The following CTNND2 variants were observed in gnomAD, a reference collection of about 807,000 sequenced individuals.
The protein encoded by CTNND2 is catenin delta 2, also known as catenin delta-2.
A neutral mutation model predicts 144.4 loss-of-function variants in CTNND2; 22 were observed. That is an observed-to-expected ratio of 0.15 (90% CI 0.11 to 0.22). The LOEUF is 0.22. CTNND2 is among the 10% of genes least tolerant of loss of function. CTNND2 has a pLI of 1.00. For missense variants in CTNND2, 1,353 were observed against 1,618.8 expected (o/e 0.84, Z 2.82); for synonymous variants, 751 against 695.6 (o/e 1.08, Z -1.25).
intron 15 of CTNND2, among the ~76,000 whole-genome samples, chr5:11,096,008 T>C (rs1751313012): frequency 6.6e-6 from 1 of 152,128 alleles, no homozygotes; most frequent in Admixed American, 6.5e-5. Context: ...ATGAGGTCAC[T>C]TGAAGCTCAC....
intron 3 of CTNND2, among the ~76,000 whole-genome samples, chr5:11,416,884 C>G (rs751089391): frequency 1.6e-4 from 24 of 152,150 alleles, no homozygotes; most frequent in Non-Finnish European, 2.9e-4. Context: ...TAATTTTGAT[C>G]AGTCCATATG....
At chr5:11,682,548 C>T (rs1231624068) in intron 2 of CTNND2, among the ~76,000 whole-genome samples, 2 of 152,170 alleles carry the variant, frequency 1.3e-5, no homozygotes. Flanking sequence ...AAAAAAGGTT[C>T]CTCCTTTAAT....
intron 21 of CTNND2, among the ~76,000 whole-genome samples, chr5:10,979,605 G>A (rs1736960456): frequency 6.6e-6 from 1 of 152,198 alleles, no homozygotes; most frequent in South Asian, 2.1e-4. Context: ...TTCCTGCAGA[G>A]CCAGAGAAAA....
At chr5:11,226,931 A>G (rs1391667609) in intron 10 of CTNND2, among the ~76,000 whole-genome samples, 2 of 152,210 alleles carry the variant, frequency 1.3e-5, no homozygotes, top group African/African-American at 4.8e-5. Context: ...TCACATATCA[A>G]TATATCAAGT....
intron 11 of CTNND2, among the ~76,000 whole-genome samples, chr5:11,191,661 G>C (rs772743207): frequency 3.4e-4 from 51 of 152,158 alleles, no homozygotes; most frequent in Non-Finnish European, 6.8e-4. Context: ...GTGTGTGCAC[G>C]TACCCCCTGC....
At chr5:11,181,074 T>C (rs1202998343) in intron 11 of CTNND2, among the ~76,000 whole-genome samples, 2 of 152,050 alleles carry the variant, frequency 1.3e-5, no homozygotes, top group Non-Finnish European at 2.9e-5. Context: ...GAAAAGCTCC[T>C]AGGAGGGAAC....
chr5:11,019,732 T>C (rs1003185038), intron 17 of CTNND2, among the ~76,000 whole-genome samples: 3 of 152,228 alleles, frequency 2.0e-5, no homozygotes, highest in Non-Finnish European at 2.9e-5. Context: ...ATGTGACAAG[T>C]GATTATAACC....
chr5:11,490,404 G>A (rs1769277041), intron 3 of CTNND2, among the ~76,000 whole-genome samples: 1 of 152,010 alleles, frequency 6.6e-6, no homozygotes, highest in Non-Finnish European at 1.5e-5. Flanking sequence ...TTATTTCATA[G>A]CTTTTGAATG....
At chr5:11,355,046 A>G (rs1183067137) in intron 8 of CTNND2, among the ~76,000 whole-genome samples, 1 of 152,180 alleles carries the variant, frequency 6.6e-6, no homozygotes, top group Non-Finnish European at 1.5e-5. Context: ...CTTGTGACAA[A>G]TGAGGATGGA....
chr5:11,232,370 G>A (rs1171881228), intron 10 of CTNND2, among the ~76,000 whole-genome samples: 1 of 152,246 alleles, frequency 6.6e-6, no homozygotes, highest in Non-Finnish European at 1.5e-5. Flanking sequence ...GCTGGGAGTG[G>A]GGCTGTACCC....
intron 12 of CTNND2, among the ~76,000 whole-genome samples, chr5:11,143,201 G>A (rs1041267359): frequency 5.9e-5 from 9 of 152,166 alleles, no homozygotes; most frequent in Non-Finnish European, 1.2e-4. Context: ...TGGGAAAGGT[G>A]AACCTCTTTT....
intron 2 of CTNND2, among the ~76,000 whole-genome samples, chr5:11,621,613 G>A (rs1230840638): frequency 1.3e-5 from 2 of 151,990 alleles, no homozygotes; most frequent in African/African-American, 4.8e-5. Context: ...AATACAATAT[G>A]GTACAGTTTA....
At chr5:11,688,424 G>A (rs1784754463) in intron 2 of CTNND2, among the ~76,000 whole-genome samples, 1 of 152,130 alleles carries the variant, frequency 6.6e-6, no homozygotes, top group African/African-American at 2.4e-5. Context: ...AATATACTCT[G>A]TATGATCCTA....
chr5:11,098,518 T>C, intron 15 of CTNND2, 57 bp downstream of exon 15: 1 of 1,466,108 alleles, frequency 6.8e-7, no homozygotes, highest in Non-Finnish European at 9.3e-7. Flanking sequence ...TTATATTGTT[T>C]TCTGAGGAGT....
intron 20 of CTNND2, chr5:10,986,715 G>A (rs1738006730): frequency 2.2e-6 from 1 of 455,786 alleles, no homozygotes. Flanking sequence ...CCCTTGTAGG[G>A]TCTGCACATG....
intron 2 of CTNND2, among the ~76,000 whole-genome samples, chr5:11,609,388 T>C (rs1314514749): frequency 1.3e-5 from 2 of 152,194 alleles, no homozygotes. Flanking sequence ...TTTTGGTTTC[T>C]AGTGAACACA....
intron 9 of CTNND2, among the ~76,000 whole-genome samples, chr5:11,333,544 GA>G (rs1296813847): frequency 6.6e-6 from 1 of 152,136 alleles, no homozygotes; most frequent in Non-Finnish European, 1.5e-5. Context: ...GGGAAAGATG[GA>G]TAGTTTTGTG....
At chr5:11,443,741 A>G (rs1390254763) in intron 3 of CTNND2, among the ~76,000 whole-genome samples, 3 of 152,132 alleles carry the variant, frequency 2.0e-5, no homozygotes, top group African/African-American at 4.8e-5. Context: ...TGGAAATCAC[A>G]TGAAATCAGG....
intron 16 of CTNND2, among the ~76,000 whole-genome samples, chr5:11,058,784 C>A (rs1746610471): frequency 7.1e-6 from 1 of 141,844 alleles, no homozygotes; most frequent in African/African-American, 2.5e-5. Context: ...CCTGCAAAGC[C>A]ACAGGGGTGA....
Sources: allele counts gnomAD v4.1 joint callset (sites outside exome capture counted in the v4.1 genomes callset), GRCh38; gene constraint gnomAD v4.1.1; transcripts MANE v1.5; gene names NCBI Gene and HGNC (gene_info 2026-07-23, HGNC 2026-07-21).